KIF26B: variants seen among roughly 807,000 people sequenced by gnomAD.
KIF26B encodes the protein kinesin family member 26B.
In KIF26B, 63 loss-of-function variants were observed where a neutral mutation model predicts 151.2. The ratio of observed to expected loss-of-function variants is 0.42; its 90% CI spans 0.34 to 0.51. The LOEUF is 0.51. Ranked by LOEUF, KIF26B falls within the 20% of genes least tolerant of loss-of-function variation. The pLI is 0.07. For synonymous variants in KIF26B, 1,357 were observed against 1,262.1 expected (o/e 1.08, Z -1.59); for missense variants, 2,813 against 2,913.6 (o/e 0.97, Z 0.79).
At chr1:245,404,020 G>A (rs931362935) in intron 3 of KIF26B, among the ~76,000 whole-genome samples, 1 of 152,050 alleles carries the variant, frequency 6.6e-6, no homozygotes, top group African/African-American at 2.4e-5. Context: ...AGAAGCTGAC[G>A]GTTTTGTACC....
chr1:245,215,892 C>T (rs1476705681), intron 2 of KIF26B, among the ~76,000 whole-genome samples: 3 of 152,058 alleles, frequency 2.0e-5, no homozygotes, highest in Non-Finnish European at 4.4e-5. Flanking sequence ...ACCTCATCTT[C>T]CTTTCAAGAT....
chr1:245,658,501 C>G (rs1396280336), intron 10 of KIF26B, among the ~76,000 whole-genome samples: 1 of 152,150 alleles, frequency 6.6e-6, no homozygotes, highest in Non-Finnish European at 1.5e-5. Flanking sequence ...AGTGATCCTC[C>G]CACCTCAGCC....
At chr1:245,605,132 C>T (rs2043436806) in intron 6 of KIF26B, among the ~76,000 whole-genome samples, 1 of 151,484 alleles carries the variant, frequency 6.6e-6, no homozygotes, top group Non-Finnish European at 1.5e-5. Flanking sequence ...CCTTCCTCAT[C>T]TGTCAGGTGA....
intron 2 of KIF26B, among the ~76,000 whole-genome samples, chr1:245,343,054 C>G (rs1672368531): frequency 6.8e-6 from 1 of 148,094 alleles, no homozygotes; most frequent in Non-Finnish European, 1.5e-5. Context: ...CCACTGCACT[C>G]CAGCCTGGGC....
chr1:245,567,358 T>C, intron 5 of KIF26B, among the ~76,000 whole-genome samples: 1 of 152,174 alleles, frequency 6.6e-6, no homozygotes, highest in Non-Finnish European at 1.5e-5. Flanking sequence ...CAGACACCCT[T>C]TCAGCGTCCA....
Position 245,165,279 on chromosome 1 carries a change from G to A in KIF26B, c.465+8596G>A, listed in dbSNP as rs540760029. On this transcript the variant is annotated intron_variant, in intron 2 of 14. Coordinates refer to ENST00000407071, the MANE Select transcript of KIF26B (RefSeq NM_018012.4). ...CCGCCATGGGGAGCTGCTGAGATAC[G>A]GGGCCAGAGGGAGAAAAGATGATGC... Among the ~76,000 whole-genome samples the A allele has an allele frequency of 2.1e-3, 322 of 152,270 alleles. 2 individuals carry two copies. Among genetic ancestry groups the A allele is most frequent in the African/African-American group, 7.5e-3 (313 of 41,562 alleles).
chr1:245,528,322 G>C (rs746765817), intron 4 of KIF26B, among the ~76,000 whole-genome samples: 1 of 152,194 alleles, frequency 6.6e-6, no homozygotes, highest in African/African-American at 2.4e-5. Flanking sequence ...CAGTTACCCA[G>C]GTGCACGGCG....
intron 2 of KIF26B, among the ~76,000 whole-genome samples, chr1:245,330,933 A>G (rs1329033678): frequency 6.6e-6 from 1 of 151,918 alleles, no homozygotes; most frequent in Non-Finnish European, 1.5e-5. Context: ...AGGTGCGGGA[A>G]GTCCCCGCAG....
At chr1:245,525,203 C>G (rs1661211385) in intron 4 of KIF26B, among the ~76,000 whole-genome samples, 1 of 152,112 alleles carries the variant, frequency 6.6e-6, no homozygotes, top group South Asian at 2.1e-4. Context: ...TCCAAATACT[C>G]TAAATGAAGA....
Position 245,386,596 on chromosome 1 carries a change from G to A in KIF26B, c.999+19229G>A, listed in dbSNP as rs377581864. Reference sequence around the variant, plus strand: ...CCCTCACTCACACCCTGGTTGTGGCGTAGGTAAACACAGCAAGGCTCAGAG... The same window carrying A: ...CCCTCACTCACACCCTGGTTGTGGCATAGGTAAACACAGCAAGGCTCAGAG... On this transcript the variant is annotated intron_variant, in intron 3 of 14. Transcript: ENST00000407071. Among the ~76,000 whole-genome samples, 6 of 152,276 alleles carry A rather than the reference G, an allele frequency of 3.9e-5. 1 individual carries two copies. The highest frequency in any genetic ancestry group is 6.5e-5 in the Admixed American group (1 of 15,290).
intron 4 of KIF26B, among the ~76,000 whole-genome samples, chr1:245,470,157 T>C (rs1659879510): frequency 6.6e-6 from 1 of 151,992 alleles, no homozygotes; most frequent in African/African-American, 2.4e-5. Context: ...ATGGGTCTGA[T>C]TGGAGGTGAC....
chr1:245,445,283 T>C (rs1659221036), intron 4 of KIF26B, among the ~76,000 whole-genome samples: 1 of 152,218 alleles, frequency 6.6e-6, no homozygotes, highest in African/African-American at 2.4e-5. Context: ...ACCCCAGCCT[T>C]GGCAGCACCA....
At chr1:245,674,498 C>T (rs927600854) in intron 10 of KIF26B, among the ~76,000 whole-genome samples, 13 of 152,210 alleles carry the variant, frequency 8.5e-5, no homozygotes, top group African/African-American at 2.7e-4. Flanking sequence ...AGCACATCTT[C>T]ATTTCATCTT....
intron 3 of KIF26B, among the ~76,000 whole-genome samples, chr1:245,376,701 T>G (rs1473947754): frequency 6.6e-6 from 1 of 152,208 alleles, no homozygotes; most frequent in African/African-American, 2.4e-5. Flanking sequence ...TATTTATTTT[T>G]TTTTGAGACT....
chr1:245,563,295 C>G lies in KIF26B; in HGVS notation c.1350+22345C>G, dbSNP rs1182063632. Among the ~76,000 whole-genome samples, 3 of 152,128 alleles carry G rather than the reference C, an allele frequency of 2.0e-5. No homozygotes were observed. The highest frequency in any genetic ancestry group is 4.4e-5 in the Non-Finnish European group (3 of 68,034). ...CCATTTCCCTTATTCACTAAACAAC[C>G]CGTTTCCACCCATTTCTCTTGTTCC... On this transcript the variant is annotated intron_variant, in intron 5 of 14. Transcript: ENST00000407071. This position sits in a 1 kb window ranked among gnomAD's most constrained non-coding sequence, Gnocchi z 4.6.
At chr1:245,371,310 A>G (rs1673116399) in intron 3 of KIF26B, 1 of 152,392 alleles carries the variant, frequency 6.6e-6, no homozygotes, top group Non-Finnish European at 1.5e-5. Context: ...ATCTCCCTGC[A>G]GTACATATTG....
rs919344091 is a variant in KIF26B, at chr1:245,685,891, G to A, written c.2908G>A (p.Gly970Arg). The A allele has an allele frequency of 9.9e-6, 16 of 1,613,054 alleles. No homozygotes were observed. The highest frequency in any genetic ancestry group is 1.2e-5 in the Non-Finnish European group (14 of 1,179,790). The change falls in exon 12 of 15, where the codon GGG becomes AGG. Residue 970 changes from glycine to arginine, a missense_variant. Around this residue, in one of 3 missense-constraint regions of KIF26B, gnomAD observed 2,060 missense variants for 2,088.6 expected, o/e 0.99. Transcript: ENST00000407071. ...SRGPRLSQAA[G>R]ASPLSESDKE... ...AGGCCCCCGGTTAAGCCAAGCAGCG[G>A]GGGCAAGCCCACTCTCTGAGTCTGA... is the stretch of plus-strand genomic sequence containing the variant.
chr1:245,210,357 G>A (rs1475026136), intron 2 of KIF26B, among the ~76,000 whole-genome samples: 1 of 152,216 alleles, frequency 6.6e-6, no homozygotes, highest in African/African-American at 2.4e-5. Flanking sequence ...TCTGCAGTGA[G>A]GGAAGGACCG....
chr1:245,245,658 T>A (rs1438000760), intron 2 of KIF26B, among the ~76,000 whole-genome samples: 1 of 151,766 alleles, frequency 6.6e-6, no homozygotes, highest in Admixed American at 6.6e-5. Flanking sequence ...AATTGCTGGG[T>A]GCGGTGGCTC....
Sources: gnomAD v4.1 joint callset for allele counts (sites outside exome capture counted in the v4.1 genomes callset) on GRCh38, gnomAD v4.1.1 for gene constraint, gnomAD v4.1.1 regional missense constraint, Gnocchi (gnomAD v3.1) non-coding constraint, MANE v1.5 for transcripts, NCBI Gene and HGNC (gene_info 2026-07-23, HGNC 2026-07-21) for gene names.